Variants in SVIL observed in about 807,000 individuals in gnomAD.
SVIL encodes supervillin, also known as archvillin.
In SVIL, 101 loss-of-function variants were observed where a neutral mutation model predicts 240.4. The observed-to-expected ratio is 0.42, with a 90% confidence interval of 0.36 to 0.50. SVIL has a LOEUF of 0.50. Among genes scored for constraint, SVIL ranks in the 20% least tolerant of loss-of-function variants. The probability of loss-of-function intolerance (pLI) is 0.01; values close to 1 mark genes in which losing one functional copy is unlikely to be tolerated. For synonymous variants in SVIL, 999 were observed against 1,100.0 expected (o/e 0.91, Z 1.82); for missense variants, 2,512 against 2,818.7 (o/e 0.89, Z 2.46).
chr10:29,465,216 C>A (rs946321552), intron 34 of SVIL, among the ~76,000 whole-genome samples: 1 of 152,130 alleles, frequency 6.6e-6, no homozygotes, highest in African/African-American at 2.4e-5. Flanking sequence ...CTTTCTCTTT[C>A]TATCTTGAAT....
intron 3 of SVIL, among the ~76,000 whole-genome samples, chr10:29,555,313 GACACAC>G (rs60699689): frequency 1.5e-5 from 2 of 132,644 alleles, no homozygotes; most frequent in Admixed American, 1.6e-4. Context: ...AGAGTGTGCA[GACACAC>G]ACACACACAC....
At chr10:29,498,471 C>T (rs1380823339) in intron 18 of SVIL, among the ~76,000 whole-genome samples, 1 of 152,148 alleles carries the variant, frequency 6.6e-6, no homozygotes, top group Non-Finnish European at 1.5e-5. Flanking sequence ...CAGATTTGAA[C>T]TGCTTTTGAA....
chr10:29,591,603 A>G (rs1393236076), intron 1 of SVIL, among the ~76,000 whole-genome samples: 1 of 152,200 alleles, frequency 6.6e-6, no homozygotes, highest in African/African-American at 2.4e-5. Flanking sequence ...ACCTCTGACA[A>G]AGCAATAGTA....
At chr10:29,518,366 C>T (rs1057022213) in intron 16 of SVIL, among the ~76,000 whole-genome samples, 4 of 151,282 alleles carry the variant, frequency 2.6e-5, no homozygotes, top group African/African-American at 9.7e-5. Flanking sequence ...CCAGCGTGGG[C>T]TACAGAGTGA....
At chr10:29,612,636 C>T (rs1957288118) in intron 1 of SVIL, among the ~76,000 whole-genome samples, 2 of 152,104 alleles carry the variant, frequency 1.3e-5, no homozygotes, top group Admixed American at 6.5e-5. Flanking sequence ...AAGAGGACAT[C>T]ATGAGTTCTC....
At chr10:29,719,120 C>T (rs1181470348) in intron 1 of SVIL, among the ~76,000 whole-genome samples, 2 of 152,068 alleles carry the variant, frequency 1.3e-5, no homozygotes, top group Non-Finnish European at 2.9e-5. Flanking sequence ...AACAAACAAA[C>T]AAAAAGAATG....
chr10:29,482,021 CTT>C (rs35856299), intron 27 of SVIL, among the ~76,000 whole-genome samples: 1 of 113,460 alleles, frequency 8.8e-6, no homozygotes, highest in Non-Finnish European at 1.9e-5. Context: ...CTTTTCTTTT[CTT>C]TTTTTTTTTT....
intron 1 of SVIL, among the ~76,000 whole-genome samples, chr10:29,630,891 A>T (rs551956750): frequency 5.1e-4 from 78 of 152,130 alleles, no homozygotes; most frequent in Non-Finnish European, 8.5e-4. Flanking sequence ...CGTTCAAACA[A>T]CTCACATTTC....
intron 3 of SVIL, among the ~76,000 whole-genome samples, chr10:29,640,005 A>G (rs1958433519): frequency 1.3e-5 from 2 of 152,150 alleles, no homozygotes; most frequent in South Asian, 4.2e-4. Context: ...CAGTTCGTTG[A>G]CGAGGCAGCA....
At chr10:29,554,094 A>G (rs1394528177) in intron 5 of SVIL, among the ~76,000 whole-genome samples, 2 of 152,170 alleles carry the variant, frequency 1.3e-5, no homozygotes, top group African/African-American at 4.8e-5. Flanking sequence ...TGTGACATGG[A>G]AGGCCAGATC....
At chr10:29,703,973 T>A (rs1043306547) in intron 1 of SVIL, among the ~76,000 whole-genome samples, 14 of 152,106 alleles carry the variant, frequency 9.2e-5, no homozygotes, top group African/African-American at 3.1e-4. Context: ...GCTAATTTTT[T>A]AATTTTTTGT....
chr10:29,499,415 G>T, intron 17 of SVIL, 152 bp from the exon 18 acceptor site: 2 of 1,053,310 alleles, frequency 1.9e-6, no homozygotes, highest in South Asian at 3.3e-5. Flanking sequence ...ATCTGAAATG[G>T]GCTTGGCTTC....
chr10:29,476,784 A>G (rs938895254), intron 29 of SVIL, among the ~76,000 whole-genome samples: 3 of 152,208 alleles, frequency 2.0e-5, no homozygotes, highest in Non-Finnish European at 2.9e-5. Flanking sequence ...TTAGTCCTAC[A>G]TGAAACTTAA....
At chr10:29,586,100 C>A (rs753909016) in intron 1 of SVIL, among the ~76,000 whole-genome samples, 1 of 152,198 alleles carries the variant, frequency 6.6e-6, no homozygotes, top group Non-Finnish European at 1.5e-5. Flanking sequence ...AAGATGGATT[C>A]AGCCTTACAG....
rs1380900032 is a variant in SVIL at position 29,517,185 on chromosome 10, G to T, written c.3390-4324C>A. The stretch of plus-strand genomic sequence containing the variant: ...CCAGCACTTTGGAAGGCTGAGGTGG[G>T]AGGATCGCTTGAGGCCAGGAGGTGG... On this transcript the variant is annotated intron_variant, in intron 16 of 37. Transcript: ENST00000355867. Among the ~76,000 whole-genome samples the T allele has an allele frequency of 2.6e-5, 4 of 152,124 alleles. 1 individual carries two copies. Among genetic ancestry groups the T allele is most frequent in the Non-Finnish European group, 5.9e-5 (4 of 68,026 alleles).
At chr10:29,514,469 C>T (rs1303390538) in intron 16 of SVIL, among the ~76,000 whole-genome samples, 4 of 152,126 alleles carry the variant, frequency 2.6e-5, no homozygotes, top group South Asian at 2.1e-4. Context: ...TTTGAACTCC[C>T]GGGCTCAAGC....
Position 29,529,862 on chromosome 10 carries a change from G to A in SVIL, c.2107-18C>T. On this transcript the variant is annotated intron_variant, in intron 11 of 37. Transcript: ENST00000355867. Reference sequence around the variant, plus strand: ...TCCATCTCCTAAGATTAGAAGTATTGTGGAACCCTTATAAATTCAAGGAAA... The same window carrying A: ...TCCATCTCCTAAGATTAGAAGTATTATGGAACCCTTATAAATTCAAGGAAA... 6.3e-7 allele frequency: 1 copy of A among 1,594,422 alleles called. No individual in the cohort carries two copies. Among genetic ancestry groups the A allele is most frequent in the Non-Finnish European group, 8.5e-7 (1 of 1,171,680 alleles).
At chr10:29,551,749 A>G (rs538716596) in intron 5 of SVIL, among the ~76,000 whole-genome samples, 1 of 150,742 alleles carries the variant, frequency 6.6e-6, no homozygotes, top group African/African-American at 2.5e-5. Flanking sequence ...ATCATTATTC[A>G]CCAGGCTTTT....
chr10:29,607,505 T>TC (rs997096141), intron 1 of SVIL, among the ~76,000 whole-genome samples: 9 of 152,316 alleles, frequency 5.9e-5, no homozygotes, highest in Admixed American at 2.6e-4. Context: ...CATGATTTTT[T>TC]TTTTCAAATT....
Sources: allele counts gnomAD v4.1 joint callset (sites outside exome capture counted in the v4.1 genomes callset), GRCh38; gene constraint gnomAD v4.1.1; transcripts MANE v1.5; gene names NCBI Gene and HGNC (gene_info 2026-07-23, HGNC 2026-07-21).